Variants in NTM observed in about 807,000 individuals in gnomAD.
The protein encoded by NTM is IgLON family member 2.
In NTM, 13 loss-of-function variants were observed where a neutral mutation model predicts 42.1. That is an observed-to-expected ratio of 0.31 (90% CI 0.20 to 0.49). NTM has a LOEUF of 0.49. NTM is among the 20% of genes least tolerant of loss of function. NTM has a pLI of 0.99. For synonymous variants in NTM, 187 were observed against 179.2 expected (o/e 1.04, Z -0.35); for missense variants, 373 against 452.8 (o/e 0.82, Z 1.60).
chr11:132,018,093 T>C (rs1474018103), intron 2 of NTM, among the ~76,000 whole-genome samples: 1 of 151,802 alleles, frequency 6.6e-6, no homozygotes, highest in Non-Finnish European at 1.5e-5. Flanking sequence ...TATTCAATCC[T>C]TTTCCTTCTT....
At chr11:131,375,809 G>GTATT (rs1022483231) in intron 1 of NTM, among the ~76,000 whole-genome samples, 1 of 152,016 alleles carries the variant, frequency 6.6e-6, no homozygotes. Flanking sequence ...ATGTATGTAT[G>GTATT]TATGTCTTTA....
chr11:132,125,656 GGTGT>G (rs1014537809), intron 2 of NTM, among the ~76,000 whole-genome samples: 1 of 1,446 alleles, frequency 6.9e-4, no homozygotes, highest in African/African-American at 5.3e-3. Flanking sequence ...TGTGGTATGT[GGTGT>G]GTGTGTCATG....
intron 2 of NTM, among the ~76,000 whole-genome samples, chr11:131,975,647 C>G (rs1023172458): frequency 6.6e-6 from 1 of 152,148 alleles, no homozygotes; most frequent in Non-Finnish European, 1.5e-5. Context: ...CCCTATTTAA[C>G]GGTGTGTTTG....
intron 1 of NTM, among the ~76,000 whole-genome samples, chr11:131,671,107 CA>C (rs1375490049): frequency 1.3e-5 from 2 of 152,294 alleles, no homozygotes; most frequent in East Asian, 3.9e-4. Flanking sequence ...TGTTTCTCTC[CA>C]AGCAAAAGCG....
intron 1 of NTM, among the ~76,000 whole-genome samples, chr11:131,906,778 C>T (rs971220329): frequency 6.6e-6 from 1 of 151,904 alleles, no homozygotes; most frequent in Non-Finnish European, 1.5e-5. Flanking sequence ...TCCTTCATAT[C>T]CTCCTTCTCA....
chr11:131,860,585 C>T (rs972734962), intron 1 of NTM, among the ~76,000 whole-genome samples: 7 of 152,146 alleles, frequency 4.6e-5, no homozygotes, highest in African/African-American at 1.7e-4. Context: ...CAGCATAAAC[C>T]ACATTGCTTG....
At chr11:132,246,299 C>T (rs565649572) in intron 4 of NTM, among the ~76,000 whole-genome samples, 1 of 152,336 alleles carries the variant, frequency 6.6e-6, no homozygotes, top group Admixed American at 6.5e-5. Flanking sequence ...GTGTCTCCAC[C>T]GACACAATCG....
intron 4 of NTM, among the ~76,000 whole-genome samples, chr11:132,266,912 A>G (rs1422970394): frequency 2.0e-5 from 3 of 152,184 alleles, no homozygotes; most frequent in African/African-American, 7.2e-5. Context: ...TTTATTTGAA[A>G]CCAAATGATC....
chr11:132,151,380 T>G (rs1182156590), intron 3 of NTM, among the ~76,000 whole-genome samples: 1 of 152,186 alleles, frequency 6.6e-6, no homozygotes, highest in African/African-American at 2.4e-5. Flanking sequence ...GTGCAGAGTG[T>G]TAAGAAAGGT....
chr11:131,873,991 T>TAC (rs2048181259), intron 1 of NTM, among the ~76,000 whole-genome samples: 1 of 124,570 alleles, frequency 8.0e-6, no homozygotes, highest in Admixed American at 1.1e-4. Context: ...ATATTATATA[T>TAC]ATTATATTTA....
intron 1 of NTM, among the ~76,000 whole-genome samples, chr11:131,610,807 C>G (rs1236629622): frequency 1.3e-5 from 2 of 152,126 alleles, no homozygotes; most frequent in East Asian, 1.9e-4. Context: ...TGGGGATATG[C>G]TATGAAATGA....
intron 1 of NTM, among the ~76,000 whole-genome samples, chr11:131,797,549 G>A (rs1398133708): frequency 6.6e-6 from 1 of 152,174 alleles, no homozygotes; most frequent in Non-Finnish European, 1.5e-5. Flanking sequence ...CACTCTGGGA[G>A]TTGTTACTTA....
chr11:131,644,200 G>A (rs773264242), intron 1 of NTM, among the ~76,000 whole-genome samples: 1 of 152,166 alleles, frequency 6.6e-6, no homozygotes, highest in African/African-American at 2.4e-5. Flanking sequence ...ACTGTCATTA[G>A]GGGAGGAGCA....
chr11:132,298,716 A>T (rs1413547103), intron 4 of NTM, among the ~76,000 whole-genome samples: 8 of 152,240 alleles, frequency 5.3e-5, no homozygotes, highest in African/African-American at 1.9e-4. Flanking sequence ...CCTATCAAAA[A>T]AAAATTAAGG....
intron 1 of NTM, among the ~76,000 whole-genome samples, chr11:131,645,408 G>A (rs2065649418): frequency 6.6e-6 from 1 of 152,192 alleles, no homozygotes; most frequent in Non-Finnish European, 1.5e-5. Flanking sequence ...AGCAGAGGCA[G>A]CAGACGTGCT....
intron 1 of NTM, chr11:131,660,399 G>A: frequency 2.2e-6 from 1 of 450,170 alleles, no homozygotes; most frequent in Non-Finnish European, 4.5e-6. Context: ...GGTGAGGGAG[G>A]GAGAGAGGAG....
rs553586836 is a variant in NTM at position 132,314,752 on chromosome 11, C to T, written c.934+49C>T. The T allele has an allele frequency of 1.2e-4, 181 of 1,554,484 alleles. 1 individual carries two copies. The South Asian group carries it at 1.7e-3, about 15-fold the overall frequency. On this transcript the variant is annotated intron_variant, in intron 7 of 8. Transcript: ENST00000683400. ...CAAGAAGAGGGGAGAGGGTGCAGAA[C>T]GGGAGAGCTGGGTGGGAGGGCCCCT... is the stretch of plus-strand genomic sequence containing the variant.
At chr11:131,563,063 G>T (rs2056436242) in intron 1 of NTM, among the ~76,000 whole-genome samples, 2 of 152,154 alleles carry the variant, frequency 1.3e-5, no homozygotes, top group Non-Finnish European at 2.9e-5. Flanking sequence ...GTGACCTTGG[G>T]CAAATCACTT....
Position 131,910,795 on chromosome 11 carries a change from CCG to C in NTM, c.83-767_83-766del, listed in dbSNP as rs531050952. ...CTCGGCCACCGCCGCAGCCCCTGCC[CCG>C]CCGAGCCCCGCCGGACAGCGGCGGC... is the stretch of plus-strand genomic sequence containing the variant. On this transcript the variant is annotated intron_variant, in intron 1 of 8. Coordinates refer to ENST00000683400, the MANE Select transcript of NTM (RefSeq NM_001352005.2). 5,437 of 979,522 alleles carry C rather than the reference CCG, an allele frequency of 5.6e-3. 245 individuals carry two copies. In the African/African-American group the frequency reaches 0.089, roughly 16 times the overall value. The allele number at this position is 979,522 out of a possible 1,614,324, so 60.7% of individuals were successfully genotyped here.
Sources: allele counts gnomAD v4.1 joint callset (sites outside exome capture counted in the v4.1 genomes callset), GRCh38; gene constraint gnomAD v4.1.1; transcripts MANE v1.5; gene names NCBI Gene and HGNC (gene_info 2026-07-23, HGNC 2026-07-21).